Variants in MAP2K4 observed in about 807,000 individuals in gnomAD.
The protein encoded by MAP2K4 is mitogen-activated protein kinase kinase 4, also known as dual specificity mitogen-activated protein kinase kinase 4.
MAP2K4 carries 4 observed loss-of-function variants against 48.5 expected under a neutral mutation model. The ratio of observed to expected loss-of-function variants is 0.08; its 90% CI spans 0.04 to 0.19. MAP2K4 has a LOEUF of 0.19. Ranked by LOEUF, MAP2K4 falls within the 10% of genes least tolerant of loss-of-function variation. MAP2K4 has a pLI of 1.00. For missense variants in MAP2K4, 258 were observed against 493.3 expected (o/e 0.52, Z 4.52); for synonymous variants, 166 against 173.1 (o/e 0.96, Z 0.32).
chr17:12,137,258 A>T (rs1973238197), intron 9 of MAP2K4, among the ~76,000 whole-genome samples: 1 of 152,270 alleles, frequency 6.6e-6, no homozygotes. Context: ...GCAAATCATA[A>T]TTCTTGAATA....
intron 10 of MAP2K4, among the ~76,000 whole-genome samples, chr17:12,140,366 TG>T (rs932055362): frequency 3.3e-5 from 5 of 152,210 alleles, no homozygotes; most frequent in Non-Finnish European, 7.3e-5. Context: ...GAAAGTGTTG[TG>T]ATCTAATAAT....
Position 12,113,224 on chromosome 17 carries a change from G to T in MAP2K4, c.686-9G>T. ...TAATTGTATACTGAATGATATCTAT[G>T]TCTTGCAGATATCAAACCTTCCAAT... On this transcript the variant is annotated splice_polypyrimidine_tract_variant and intron_variant, in intron 6 of 10. Coordinates refer to ENST00000353533, the MANE Select transcript of MAP2K4 (RefSeq NM_003010.4). 6.2e-7 allele frequency: 1 copy of T among 1,612,264 alleles called. No individual in the cohort carries two copies. The highest frequency in any genetic ancestry group is 8.5e-7 in the Non-Finnish European group (1 of 1,178,970).
At chr17:12,103,874 A>G (rs906663618) in intron 4 of MAP2K4, among the ~76,000 whole-genome samples, 2 of 152,164 alleles carry the variant, frequency 1.3e-5, no homozygotes, top group Admixed American at 6.5e-5. Flanking sequence ...TAACTGTAGT[A>G]TTCTAATGAT....
At chr17:12,043,647 A>G (rs1221186903) in intron 1 of MAP2K4, among the ~76,000 whole-genome samples, 1 of 152,160 alleles carries the variant, frequency 6.6e-6, no homozygotes, top group Non-Finnish European at 1.5e-5. Context: ...TATTGGCTTT[A>G]TTATAAAGGT....
At chr17:12,118,460 A>G (rs879919626) in intron 7 of MAP2K4, among the ~76,000 whole-genome samples, 4 of 152,108 alleles carry the variant, frequency 2.6e-5, no homozygotes, top group Non-Finnish European at 4.4e-5. Flanking sequence ...CACTCGGGAT[A>G]CCTTTTCTGA....
chr17:12,121,530 G>C (rs963158461), intron 7 of MAP2K4, among the ~76,000 whole-genome samples: 1 of 146,248 alleles, frequency 6.8e-6, no homozygotes, highest in African/African-American at 2.5e-5. Flanking sequence ...AGCCGAGATC[G>C]CGCCACTGCA....
At chr17:12,064,462 A>G (rs141838473) in intron 2 of MAP2K4, among the ~76,000 whole-genome samples, 1 of 152,348 alleles carries the variant, frequency 6.6e-6, no homozygotes, top group East Asian at 1.9e-4. Flanking sequence ...TGATAAGTAT[A>G]TGAGAAACAG....
intron 1 of MAP2K4, among the ~76,000 whole-genome samples, chr17:12,045,822 C>T (rs1177409507): frequency 6.6e-6 from 1 of 152,184 alleles, no homozygotes; most frequent in Non-Finnish European, 1.5e-5. Context: ...GGGTTTGTGT[C>T]TCACTTGTCT....
At chr17:12,049,626 C>A (rs975038684) in intron 1 of MAP2K4, among the ~76,000 whole-genome samples, 5 of 152,162 alleles carry the variant, frequency 3.3e-5, no homozygotes, top group Non-Finnish European at 7.3e-5. Flanking sequence ...TGAGCTGCTT[C>A]ACATTCAAAC....
At chr17:12,053,327 T>G (rs1567635005) in intron 1 of MAP2K4, among the ~76,000 whole-genome samples, 1 of 152,120 alleles carries the variant, frequency 6.6e-6, no homozygotes, top group African/African-American at 2.4e-5. Flanking sequence ...TTTGCCATTT[T>G]CATATGAACA....
chr17:12,028,440 T>C (rs1304879121), intron 1 of MAP2K4, among the ~76,000 whole-genome samples: 3 of 152,182 alleles, frequency 2.0e-5, no homozygotes, highest in Admixed American at 1.3e-4. Flanking sequence ...GAAATAAATC[T>C]TGGGGAACTT....
chr17:12,078,819 A>G (rs1164063366), intron 2 of MAP2K4, among the ~76,000 whole-genome samples: 1 of 152,242 alleles, frequency 6.6e-6, no homozygotes, highest in East Asian at 1.9e-4. Context: ...TCCTGTATCT[A>G]GTCAGTCCAG....
chr17:12,113,413 G>A, intron 7 of MAP2K4, 53 bp downstream of exon 7: 1 of 1,581,020 alleles, frequency 6.3e-7, no homozygotes, highest in Non-Finnish European at 8.6e-7. Flanking sequence ...CAGAGAGCCT[G>A]TGCTCTTTTG....
rs112128914 is a variant in MAP2K4, at chr17:12,107,524, A to G, written c.514-266A>G. The stretch of plus-strand genomic sequence containing the variant: ...TATTTTGGCAAAATTTGAAATTTTA[A>G]TGAAAGCACAGAAGTTTTCTGTGTA... On this transcript the variant is annotated intron_variant, in intron 4 of 10. Coordinates refer to ENST00000353533, the MANE Select transcript of MAP2K4 (RefSeq NM_003010.4). Among the ~76,000 whole-genome samples, 43 of 151,680 alleles carry G rather than the reference A, an allele frequency of 2.8e-4. 1 individual carries two copies. Among genetic ancestry groups the G allele is most frequent in the African/African-American group, 1.0e-3 (42 of 41,384 alleles).
intron 9 of MAP2K4, among the ~76,000 whole-genome samples, chr17:12,129,738 G>A (rs1972966466): frequency 6.6e-6 from 1 of 152,202 alleles, no homozygotes; most frequent in Non-Finnish European, 1.5e-5. Flanking sequence ...GTTATATGTA[G>A]TAGGGTCACA....
intron 4 of MAP2K4, among the ~76,000 whole-genome samples, chr17:12,096,292 A>G (rs886450167): frequency 2.0e-5 from 3 of 152,088 alleles, no homozygotes; most frequent in African/African-American, 7.2e-5. Context: ...TCTTGGTCTC[A>G]TAATCATGTT....
intron 1 of MAP2K4, among the ~76,000 whole-genome samples, chr17:12,042,351 T>C (rs1368725586): frequency 6.6e-6 from 1 of 152,124 alleles, no homozygotes; most frequent in African/African-American, 2.4e-5. Flanking sequence ...GTGGTGTGAA[T>C]TGTTTGCTTT....
chr17:12,074,140 A>G (rs561233135), intron 2 of MAP2K4, among the ~76,000 whole-genome samples: 1 of 152,140 alleles, frequency 6.6e-6, no homozygotes, highest in African/African-American at 2.4e-5. Flanking sequence ...TCTATATTTA[A>G]CATACTCTAT....
At chr17:12,087,837 T>C (rs959902722) in intron 3 of MAP2K4, among the ~76,000 whole-genome samples, 1 of 152,134 alleles carries the variant, frequency 6.6e-6, no homozygotes, top group Non-Finnish European at 1.5e-5. Flanking sequence ...TCTAGATAAT[T>C]TGCTTGCTTC....
Sources: gnomAD v4.1 joint callset for allele counts (sites outside exome capture counted in the v4.1 genomes callset) on GRCh38, gnomAD v4.1.1 for gene constraint, MANE v1.5 for transcripts, NCBI Gene and HGNC (gene_info 2026-07-23, HGNC 2026-07-21) for gene names.